Variants in GUF1 observed in about 807,000 individuals in gnomAD.
GUF1 encodes the protein GTP binding elongation factor GUF1, also known as translation factor GUF1, mitochondrial.
A neutral mutation model predicts 82.4 loss-of-function variants in GUF1; 78 were observed. That is an observed-to-expected ratio of 0.95 (90% CI 0.79 to 1.14). The LOEUF (loss-of-function observed/expected upper bound fraction) is 1.14. GUF1 is among the 50% of genes most tolerant of loss of function. The probability of loss-of-function intolerance (pLI) is 0.00; values close to 1 mark genes in which losing one functional copy is unlikely to be tolerated. For missense variants in GUF1, 814 were observed against 798.2 expected, an observed-to-expected ratio of 1.02 and a Z score of -0.24; for synonymous variants, 279 against 282.3, an observed-to-expected ratio of 0.99 and a Z score of 0.12.
At chr4:44,680,118 A>G (rs1029798199) in intron 1 of GUF1, among the ~76,000 whole-genome samples, 1 of 147,016 alleles carries the variant, frequency 6.8e-6, no homozygotes, top group Non-Finnish European at 1.5e-5. Flanking sequence ...TTACTAGACA[A>G]GGTATTCTCA....
chr4:44,681,256 T>C, intron 4 of GUF1, 53 bp downstream of exon 4: 1 of 1,305,886 alleles, frequency 7.7e-7, no homozygotes, highest in Non-Finnish European at 1.1e-6. Context: ...TTTGGTTGTT[T>C]CAAGAGTTTT....
chr4:44,678,858 G>GT (rs1714599391), intron 1 of GUF1, 71 bp downstream of exon 1: 1 of 1,433,398 alleles, frequency 7.0e-7, no homozygotes, highest in African/African-American at 1.5e-5. Flanking sequence ...TCTTGGACAT[G>GT]TATAGGGCTT....
rs1009029835 is a variant in GUF1, at chr4:44,678,512, A to C, written c.-111A>C. Reference sequence around the variant, plus strand: ...GGGTTCATTGTCTTCGCTTCACAGGATCTGTTTGAGTCCTGTCCACCGGAT... The same window carrying C: ...GGGTTCATTGTCTTCGCTTCACAGGCTCTGTTTGAGTCCTGTCCACCGGAT... On this transcript the variant is annotated 5_prime_UTR_variant, in exon 1 of 17. Coordinates refer to ENST00000281543, the MANE Select transcript of GUF1 (RefSeq NM_021927.3). 4.8e-6 allele frequency: 4 copies of C among 840,816 alleles called. No homozygotes were observed. The African/African-American group carries it at 7.3e-5, about 15-fold the overall frequency. The allele number at this position is 840,816 out of a possible 1,614,324, so 52.1% of individuals were successfully genotyped here. A position where few individuals can be genotyped will look rare whatever the true frequency, so the allele number is the denominator to read the frequency against.
At chr4:44,695,027 G>C (rs55806023) in intron 14 of GUF1, among the ~76,000 whole-genome samples, 1 of 152,000 alleles carries the variant, frequency 6.6e-6, no homozygotes, top group African/African-American at 2.4e-5. Flanking sequence ...GGATGGTCTC[G>C]ATCTCTTGAC....
chr4:44,691,586 C>T, intron 12 of GUF1, 80 bp from the exon 13 acceptor site: 1 of 1,085,336 alleles, frequency 9.2e-7, no homozygotes, highest in Non-Finnish European at 1.3e-6. Flanking sequence ...TAAGTTTTTA[C>T]TAGACCTTTA....
At chr4:44,679,503 A>G (rs1205061417) in intron 1 of GUF1, among the ~76,000 whole-genome samples, 1 of 152,192 alleles carries the variant, frequency 6.6e-6, no homozygotes, top group Admixed American at 6.5e-5. Flanking sequence ...CTTTGGCCCT[A>G]ATATGCCTGT....
chr4:44,689,826 G>A lies in GUF1; in HGVS notation c.1203-17G>A. The stretch of plus-strand genomic sequence containing the variant: ...ATGGGACATAAACATTTTGGAGTTT[G>A]TCTTTTCCTCCCCCAGGCTAGGATT... On this transcript the variant is annotated splice_polypyrimidine_tract_variant and intron_variant, in intron 10 of 16. Transcript: ENST00000281543. 3 of 1,572,918 alleles carry A rather than the reference G, an allele frequency of 1.9e-6. No individual in the cohort carries two copies. Among genetic ancestry groups the A allele is most frequent in the Non-Finnish European group, 2.6e-6 (3 of 1,157,130 alleles).
At chr4:44,685,936 A>G (rs1477123758) in intron 6 of GUF1, 23 bp from the exon 7 acceptor site, 2 of 1,534,812 alleles carry the variant, frequency 1.3e-6, no homozygotes, top group Admixed American at 1.7e-5. Context: ...AAATGCTTAT[A>G]TTTTTCACAT....
Position 44,680,792 on chromosome 4 carries a change from T to C in GUF1, c.376T>C (p.Phe126Leu). 6.2e-7 allele frequency: 1 copy of C among 1,612,490 alleles called. No individual in the cohort carries two copies. Among genetic ancestry groups the C allele is most frequent in the South Asian group, 1.1e-5 (1 of 90,906 alleles). Residue 126 changes from phenylalanine to leucine, a missense_variant, in exon 3 of 17, where the codon TTT (phenylalanine) becomes CTT (leucine). Transcript: ENST00000281543. The stretch of plus-strand genomic sequence containing the variant: ...TGTTAAAGCACAGACAGCATCTCTC[T>C]TTTACAATTGTGAAGGAAAGCAGTA... ...ITVKAQTASL[F>L]YNCEGKQYLL...
chr4:44,694,540 A>C, intron 14 of GUF1, 27 bp downstream of exon 14: 1 of 1,228,614 alleles, frequency 8.1e-7, no homozygotes, highest in South Asian at 1.3e-5. Flanking sequence ...CTAATCATGG[A>C]ATGTGAAAAT....
chr4:44,691,343 TA>T (rs893423153), intron 12 of GUF1, among the ~76,000 whole-genome samples: 22 of 151,928 alleles, frequency 1.4e-4, no homozygotes, highest in Middle Eastern at 3.4e-3. Context: ...TTGATTAGGT[TA>T]AAAACTAGAT....
Position 44,682,380 on chromosome 4 carries a change from C to A in GUF1, c.554C>A (p.Ala185Glu). ...TVANFFLAFE[A>E]QLSVIPVINK... Reference sequence around the variant, plus strand: ...GCAAACTTCTTTCTTGCCTTCGAAGCACAGCTATCGGTAATTCCAGTTATA... The same window carrying A: ...GCAAACTTCTTTCTTGCCTTCGAAGAACAGCTATCGGTAATTCCAGTTATA... The change falls in exon 5 of 17, where the codon GCA becomes GAA. Residue 185 changes from alanine (A) to glutamate (E), a missense_variant. By Grantham distance (107) the Ala-to-Glu change is moderately radical (BLOSUM62 -1). Transcript: ENST00000281543. 6.5e-7 allele frequency: 1 copy of A among 1,535,484 alleles called. No homozygotes were observed. The highest frequency in any genetic ancestry group is 8.7e-7 in the Non-Finnish European group (1 of 1,142,866).
Position 44,678,461 on chromosome 4 carries a change from A to G in GUF1, c.-162A>G, listed in dbSNP as rs990360391. ...CGCCGCCGCTTCGGGTTGCTTCCGGATCTGGTACTTGGGCAGAGCTCCCCG... is the reference window on the plus strand; with the variant it reads ...CGCCGCCGCTTCGGGTTGCTTCCGGGTCTGGTACTTGGGCAGAGCTCCCCG... On this transcript the variant is annotated 5_prime_UTR_variant, in exon 1 of 17. Transcript: ENST00000281543. The G allele has an allele frequency of 3.7e-6, 2 of 542,586 alleles. No homozygotes were observed. Among genetic ancestry groups the G allele is most frequent in the Non-Finnish European group, 5.8e-6 (2 of 342,600 alleles). 33.6% of individuals were successfully genotyped at this position (542,586 alleles called of 1,614,324 possible). A position where few individuals can be genotyped will look rare whatever the true frequency, so the allele number is the denominator to read the frequency against.
At chr4:44,698,092 G>A (rs1490086633) in intron 16 of GUF1, among the ~76,000 whole-genome samples, 1 of 152,142 alleles carries the variant, frequency 6.6e-6, no homozygotes, top group South Asian at 2.1e-4. Flanking sequence ...GTTACAGTGA[G>A]CAGAGATCCT....
intron 6 of GUF1, 76 bp downstream of exon 6, chr4:44,683,394 T>A: frequency 1.3e-6 from 1 of 774,992 alleles, no homozygotes; most frequent in Non-Finnish European, 2.1e-6. Flanking sequence ...TTCATGGTAT[T>A]TGATAACCTG....
chr4:44,698,710 CA>C lies in GUF1; in HGVS notation c.*31del. On this transcript the variant is annotated 3_prime_UTR_variant, in exon 17 of 17. Transcript: ENST00000281543. ...GTGGGAAAACAAAGAATTTTCATTG[CA>C]ATTTGTAATATGCTGACAACAGAAA... is the stretch of plus-strand genomic sequence containing the variant. 6.4e-7 allele frequency: 1 copy of C among 1,564,198 alleles called. No homozygotes were observed. The highest frequency in any genetic ancestry group is 8.7e-7 in the Non-Finnish European group (1 of 1,155,410).
In GUF1 at chr4:44,695,667, C is replaced by T. The variant is rs763868085; in HGVS notation, c.1768C>T (p.Leu590Phe). 1.2e-6 allele frequency: 2 copies of T among 1,613,476 alleles called. No individual in the cohort carries two copies. The highest frequency in any genetic ancestry group is 1.7e-6 in the Non-Finnish European group (2 of 1,179,540). ...CATATGTGAACGGCTGAAGGATTCT[C>T]TTCCTAGGCAACTGTTTGAGATAGC... ...KAICERLKDS[L>F]PRQLFEIAIQ... Residue 590 changes from leucine (L) to phenylalanine (F), a missense_variant, in exon 15 of 17, where the codon CTT (leucine) becomes TTT (phenylalanine). Transcript: ENST00000281543.
At chr4:44,696,125 C>A (rs781206741) in intron 15 of GUF1, among the ~76,000 whole-genome samples, 1 of 151,828 alleles carries the variant, frequency 6.6e-6, no homozygotes, top group Admixed American at 6.6e-5. Flanking sequence ...TTTTTTTTAA[C>A]CCAAAGCATT....
At chr4:44,690,064 CT>C in intron 11 of GUF1, 89 bp downstream of exon 11, 1 of 917,332 alleles carries the variant, frequency 1.1e-6, no homozygotes, top group Non-Finnish European at 1.5e-6. Context: ...GCAGGAGAAG[CT>C]TTTTACTATA....
Sources: gnomAD v4.1 joint callset for allele counts (sites outside exome capture counted in the v4.1 genomes callset) on GRCh38, gnomAD v4.1.1 for gene constraint, MANE v1.5 for transcripts, NCBI Gene and HGNC (gene_info 2026-07-23, HGNC 2026-07-21) for gene names.